Variants in SLC1A3 observed in about 807,000 individuals in gnomAD.
The protein encoded by SLC1A3 is solute carrier family 1 member 3.
Under a neutral mutation model 48.1 loss-of-function variants are expected in SLC1A3, and 21 were observed. The observed-to-expected ratio is 0.44, with a 90% CI of 0.31 to 0.63. The LOEUF is 0.63. Ranked by LOEUF, SLC1A3 falls within the 20% of genes least tolerant of loss-of-function variation. The pLI is 0.08. For synonymous variants in SLC1A3, 239 were observed against 251.4 expected (o/e 0.95, Z 0.47); for missense variants, 546 against 689.0 (o/e 0.79, Z 2.32).
At chr5:36,677,374 A>G (rs1742257601) in intron 6 of SLC1A3, among the ~76,000 whole-genome samples, 190 bp downstream of exon 6, 1 of 152,138 alleles carries the variant, frequency 6.6e-6, no homozygotes, top group Non-Finnish European at 1.5e-5. Flanking sequence ...CTCTTCTAAT[A>G]AGTTTGCTTC....
chr5:36,626,361 G>A (rs1739903472), intron 2 of SLC1A3, among the ~76,000 whole-genome samples: 1 of 152,116 alleles, frequency 6.6e-6, no homozygotes, highest in African/African-American at 2.4e-5. Flanking sequence ...TTATAAATAA[G>A]ATAAATTTTA....
Position 36,674,083 on chromosome 5 carries a change from T to A in SLC1A3, c.559T>A (p.Phe187Ile). Reference protein sequence around the residue: ...MFPPNLVEACFKQFKTNYEKR... With the variant: ...MFPPNLVEACIKQFKTNYEKR... ...CCCTCCAAATCTGGTAGAAGCCTGC[T>A]TTAAACAGGTAAACACTCTACAGAC... The change falls in exon 5 of 10, where the codon TTT becomes ATT. Residue 187 changes from phenylalanine (F) to isoleucine (I), a missense_variant. Phe to Ile is a conservative substitution (Grantham distance 21). This residue lies in a region of SLC1A3 where 348 missense variants were observed against 392.0 expected (regional missense o/e 0.89). Transcript: ENST00000265113. The A allele has an allele frequency of 6.2e-7, 1 of 1,613,056 alleles. No homozygotes were observed. Among genetic ancestry groups the A allele is most frequent in the Non-Finnish European group, 8.5e-7 (1 of 1,179,122 alleles).
chr5:36,634,396 A>G (rs560068416), intron 3 of SLC1A3, among the ~76,000 whole-genome samples: 2 of 152,336 alleles, frequency 1.3e-5, no homozygotes, highest in Admixed American at 1.3e-4. Context: ...AATCCAAAGA[A>G]TCAAAAGAGA....
At chr5:36,670,833 G>T (rs963476864) in intron 3 of SLC1A3, 196 bp from the exon 4 acceptor site, 1 of 627,914 alleles carries the variant, frequency 1.6e-6, no homozygotes, top group Non-Finnish European at 2.9e-6. Context: ...TGACACTGCT[G>T]ATGCCTCACC....
chr5:36,614,231 A>C (rs1204296973), intron 2 of SLC1A3, among the ~76,000 whole-genome samples: 1 of 152,240 alleles, frequency 6.6e-6, no homozygotes, highest in African/African-American at 2.4e-5. Context: ...GTCCATAGAC[A>C]TTGTAAACCC....
upstream of SLC1A3, among the ~76,000 whole-genome samples, chr5:36,604,279 C>T (rs992055190): frequency 3.3e-5 from 5 of 151,484 alleles, no homozygotes; most frequent in South Asian, 1.0e-3. Flanking sequence ...AAATGAAATA[C>T]AGCATACAGA....
intron 5 of SLC1A3, among the ~76,000 whole-genome samples, chr5:36,676,154 A>G (rs1436331655): frequency 2.0e-5 from 3 of 152,198 alleles, no homozygotes; most frequent in African/African-American, 7.2e-5. Flanking sequence ...ATCACCAACT[A>G]TTAATCAGGC....
At chr5:36,683,721 A>T (rs1742530764) in intron 8 of SLC1A3, 143 bp from the exon 9 acceptor site, 115 of 717,688 alleles carry the variant, frequency 1.6e-4, no homozygotes, top group Non-Finnish European at 2.4e-4. Flanking sequence ...AAAAAAAAAA[A>T]TCTCATTTAC....
At chr5:36,625,676 G>T (rs556355299) in intron 2 of SLC1A3, among the ~76,000 whole-genome samples, 1 of 152,242 alleles carries the variant, frequency 6.6e-6, no homozygotes, top group Non-Finnish European at 1.5e-5. Flanking sequence ...TTCAAAATGT[G>T]TCTGAATCTA....
intron 1 of SLC1A3, among the ~76,000 whole-genome samples, chr5:36,596,858 G>A (rs555066531): frequency 1.4e-4 from 21 of 152,292 alleles, no homozygotes; most frequent in African/African-American, 4.1e-4. Context: ...TTTAAGACAG[G>A]TCTTCCTCTA....
intron 3 of SLC1A3, among the ~76,000 whole-genome samples, chr5:36,644,083 G>A (rs1740740735): frequency 1.3e-5 from 2 of 151,758 alleles, no homozygotes; most frequent in African/African-American, 4.8e-5. Context: ...TGAAACATCA[G>A]TGAAAATAAG....
chr5:36,658,375 G>A (rs180899010), intron 3 of SLC1A3, among the ~76,000 whole-genome samples: 69 of 152,282 alleles, frequency 4.5e-4, no homozygotes, highest in African/African-American at 1.4e-3. Context: ...GGGCCAGAGC[G>A]TGAGGACATT....
At chr5:36,596,810 A>G (rs1738746462) in intron 1 of SLC1A3, among the ~76,000 whole-genome samples, 1 of 152,196 alleles carries the variant, frequency 6.6e-6, no homozygotes, top group Non-Finnish European at 1.5e-5. Flanking sequence ...TGCCTTGTGA[A>G]TGTTAGCAAT....
intron 3 of SLC1A3, among the ~76,000 whole-genome samples, chr5:36,637,488 G>T (rs1740442117): frequency 6.6e-6 from 1 of 152,206 alleles, no homozygotes; most frequent in South Asian, 2.1e-4. Flanking sequence ...ATTTTGATCA[G>T]TTCTCGTTTG....
intron 3 of SLC1A3, among the ~76,000 whole-genome samples, chr5:36,647,751 G>A (rs1004568152): frequency 6.6e-6 from 1 of 152,184 alleles, no homozygotes; most frequent in South Asian, 2.1e-4. Context: ...CATTTCCTTA[G>A]CAAACATCCA....
chr5:36,674,539 C>T (rs1742130042), intron 5 of SLC1A3, among the ~76,000 whole-genome samples: 1 of 151,344 alleles, frequency 6.6e-6, no homozygotes, highest in South Asian at 2.1e-4. Flanking sequence ...ACCTAATGGA[C>T]TCTAAAGGAG....
chr5:36,615,035 C>T (rs763396575), intron 2 of SLC1A3, among the ~76,000 whole-genome samples: 1 of 151,984 alleles, frequency 6.6e-6, no homozygotes, highest in Non-Finnish European at 1.5e-5. Flanking sequence ...GTAATAATAC[C>T]TTTCATTTTT....
intron 5 of SLC1A3, among the ~76,000 whole-genome samples, chr5:36,675,660 G>T (rs1293931953): frequency 2.0e-5 from 3 of 152,182 alleles, no homozygotes. Context: ...TCCATAAAAT[G>T]CATAAGGACC....
In SLC1A3 at chr5:36,599,508, C is replaced by CTT. The variant is rs1176214248; in HGVS notation, c.-96+2848_-96+2849dup. Among the ~76,000 whole-genome samples the CTT allele has an allele frequency of 2.8e-4, 22 of 78,282 alleles. 3 individuals are homozygous for CTT. The highest frequency in any genetic ancestry group is 9.7e-4 in the East Asian group (2 of 2,062). 51.4% of individuals were successfully genotyped at this position (78,282 alleles called of 152,430 possible). Reference sequence around the variant, plus strand: ...CCTACACATCGTAGCTACGGTTGAACTTTTTTTTTTTTTTTTTTTGAGACG... The same window carrying CTT: ...CCTACACATCGTAGCTACGGTTGAACTTTTTTTTTTTTTTTTTTTTTGAGACG... On this transcript the variant is annotated intron_variant, in intron 1 of 9. Coordinates refer to the SLC1A3 transcript ENST00000680318.
Sources: allele counts gnomAD v4.1 joint callset (sites outside exome capture counted in the v4.1 genomes callset), GRCh38; gene constraint gnomAD v4.1.1; regional missense constraint gnomAD v4.1.1; transcripts MANE v1.5; gene names NCBI Gene and HGNC (gene_info 2026-07-23, HGNC 2026-07-21).